The following ERO1B variants were observed in gnomAD, a reference collection of about 807,000 sequenced individuals.
ERO1B encodes endoplasmic reticulum oxidoreductase 1 beta, also known as ERO1-like protein beta.
Under a neutral mutation model 75.3 loss-of-function variants are expected in ERO1B, and 49 were observed. The observed-to-expected ratio is 0.65, with a 90% CI of 0.52 to 0.83. The LOEUF (loss-of-function observed/expected upper bound fraction) is 0.83, where lower values mean the gene tolerates loss of function less well. ERO1B is among the 40% of genes least tolerant of loss of function. The pLI, the probability that ERO1B is intolerant of heterozygous loss-of-function variation, is 0.00. For synonymous variants in ERO1B, 191 were observed against 192.9 expected (o/e 0.99, Z 0.08); for missense variants, 512 against 560.1 (o/e 0.91, Z 0.87).
chr1:236,249,770 A>T, intron 5 of ERO1B, 115 bp downstream of exon 5: 1 of 708,866 alleles, frequency 1.4e-6, no homozygotes, highest in Non-Finnish European at 2.2e-6. Flanking sequence ...TCTTCCTTTT[A>T]AAAATATATT....
chr1:236,226,285 T>C lies in ERO1B; in HGVS notation c.1036A>G (p.Ile346Val), dbSNP rs1213391960. 6.2e-7 allele frequency: 1 copy of C among 1,613,722 alleles called. No homozygotes were observed. The highest frequency in any genetic ancestry group is 1.7e-5 in the Admixed American group (1 of 59,922). ...DADTKTLLLN[I>V]FQDTKSFPMH... ...AATTCTTACTTTGTATCTTGAAAGATATTCAGTAGAAGAGTTTTTGTGTCA... is the reference window on the plus strand; with the variant it reads ...AATTCTTACTTTGTATCTTGAAAGACATTCAGTAGAAGAGTTTTTGTGTCA... Residue 346 changes from isoleucine (I) to valine (V), a missense_variant, in exon 12 of 16, where the codon ATC becomes GTC. By Grantham distance (29) the Ile-to-Val change is conservative (BLOSUM62 3). Coordinates refer to ENST00000354619, the MANE Select transcript of ERO1B (RefSeq NM_019891.4).
In ERO1B at chr1:236,253,407, TTTTA is replaced by T. The variant is rs1428669428; in HGVS notation, c.306+11_306+14del. 1.9e-6 allele frequency: 3 copies of T among 1,544,154 alleles called. No homozygotes were observed. Among genetic ancestry groups the T allele is most frequent in the East Asian group, 2.2e-5 (1 of 44,526 alleles). ...AGAGAAAATTGGCTTTGCCCTGTTA[TTTTA>T]TTTATTATACCTCTGGACAGGGCTC... On this transcript the variant is annotated intron_variant, in intron 3 of 15. Transcript: ENST00000354619.
chr1:236,252,072 A>G lies in ERO1B; in HGVS notation c.326T>C (p.Ile109Thr), dbSNP rs1207240315. ...TACCTTATTAGAATGCCCAGCTTTT[A>G]TTCCAACCGGAATTTTACTCTTAAA... ...PCPESKIPVG[I>T]KAGHSNKYLK... Residue 109 changes from isoleucine (I) to threonine (T), a missense_variant, in exon 4 of 16, where the codon ATA becomes ACA. Physicochemically the swap from Ile to Thr is moderately conservative, Grantham distance 89. Transcript: ENST00000354619. 1.2e-6 allele frequency: 2 copies of G among 1,602,732 alleles called. No individual in the cohort carries two copies. The highest frequency in any genetic ancestry group is 1.7e-6 in the Non-Finnish European group (2 of 1,172,358).
intron 2 of ERO1B, among the ~76,000 whole-genome samples, chr1:236,261,014 AAATC>A (rs66588282): frequency 0.25 from 37,613 of 151,960 alleles, 4,831 homozygotes; most frequent in East Asian, 0.38. Context: ...TGATGTACAT[AAATC>A]AATAAAAATA....
At chr1:236,222,473 A>C (rs1034946845) in intron 13 of ERO1B, among the ~76,000 whole-genome samples, 2 of 152,064 alleles carry the variant, frequency 1.3e-5, no homozygotes, top group African/African-American at 4.8e-5. Flanking sequence ...AACATGGTAC[A>C]TAAAATACTG....
intron 6 of ERO1B, among the ~76,000 whole-genome samples, chr1:236,239,010 TC>T (rs1436868423): frequency 6.6e-6 from 1 of 152,160 alleles, no homozygotes; most frequent in African/African-American, 2.4e-5. Flanking sequence ...GGACTCGAAC[TC>T]CTGAGCTCAA....
At chr1:236,272,215 C>T (rs776149999) in intron 1 of ERO1B, among the ~76,000 whole-genome samples, 1 of 152,068 alleles carries the variant, frequency 6.6e-6, no homozygotes, top group African/African-American at 2.4e-5. Flanking sequence ...CATCTATCTA[C>T]CCAAAGGAAA....
intron 4 of ERO1B, among the ~76,000 whole-genome samples, chr1:236,250,574 T>TAG: frequency 1.3e-4 from 1 of 7,616 alleles, no homozygotes; most frequent in Non-Finnish European, 2.2e-4. Context: ...AATTTGACCA[T>TAG]ATATATATAT....
At chr1:236,259,639 A>C (rs886855228) in intron 2 of ERO1B, among the ~76,000 whole-genome samples, 2 of 152,198 alleles carry the variant, frequency 1.3e-5, no homozygotes, top group Non-Finnish European at 2.9e-5. Context: ...AAAAGAGATA[A>C]AGAAGGTCAT....
At chr1:236,254,623 T>C (rs937182803) in intron 2 of ERO1B, among the ~76,000 whole-genome samples, 1 of 152,228 alleles carries the variant, frequency 6.6e-6, no homozygotes, top group South Asian at 2.1e-4. Flanking sequence ...ATTTTTTTTT[T>C]ATTTTTTGAG....
In ERO1B at chr1:236,244,904, T is replaced by C. The variant is rs188428992; in HGVS notation, c.432-1409A>G. On this transcript the variant is annotated intron_variant, in intron 5 of 15. Transcript: ENST00000354619. ...AACTCAGCACTTCCTTTCAAGATAGTGTCCCAAGGTTAAAGTAGTAGTCTT... is the reference window on the plus strand; with the variant it reads ...AACTCAGCACTTCCTTTCAAGATAGCGTCCCAAGGTTAAAGTAGTAGTCTT... 2.9e-3 allele frequency among the ~76,000 whole-genome samples: 437 copies of C among 152,268 alleles called. 1 individual carries two copies. Among genetic ancestry groups the C allele is most frequent in the Non-Finnish European group, 4.2e-3 (289 of 68,024 alleles).
chr1:236,246,856 A>G (rs1160763198), intron 5 of ERO1B, among the ~76,000 whole-genome samples: 1 of 152,206 alleles, frequency 6.6e-6, no homozygotes, highest in African/African-American at 2.4e-5. Flanking sequence ...AGAATTTTCT[A>G]TTCCACCATA....
At chr1:236,220,028 T>C (rs1815193) in intron 15 of ERO1B, 1 of 33,970 alleles carries the variant, frequency 2.9e-5, no homozygotes, top group Non-Finnish European at 5.4e-5. Flanking sequence ...TCATCTCTTT[T>C]AAAAAAAAAA....
At chr1:236,237,903 G>A (rs1229283327) in intron 6 of ERO1B, among the ~76,000 whole-genome samples, 1 of 152,002 alleles carries the variant, frequency 6.6e-6, no homozygotes, top group East Asian at 1.9e-4. Context: ...TGCAGTGTGA[G>A]ATCTCAACTC....
intron 10 of ERO1B, among the ~76,000 whole-genome samples, chr1:236,229,256 C>T (rs2102941976): frequency 6.6e-6 from 1 of 152,126 alleles, no homozygotes; most frequent in African/African-American, 2.4e-5. Flanking sequence ...GAAACCTCAT[C>T]TCTACTAAAA....
At chr1:236,229,922 T>C (rs1023372633) in intron 10 of ERO1B, among the ~76,000 whole-genome samples, 2 of 152,224 alleles carry the variant, frequency 1.3e-5, no homozygotes, top group African/African-American at 2.4e-5. Context: ...GCATACTCGT[T>C]ACTAGAGAAG....
chr1:236,256,585 T>C (rs1370872169), intron 2 of ERO1B, among the ~76,000 whole-genome samples: 1 of 152,226 alleles, frequency 6.6e-6, no homozygotes, highest in Non-Finnish European at 1.5e-5. Context: ...TGTGCCTTTC[T>C]CCTGGCATGC....
At chr1:236,281,241 G>C (rs1174136932) in intron 1 of ERO1B, among the ~76,000 whole-genome samples, 2 of 152,100 alleles carry the variant, frequency 1.3e-5, no homozygotes, top group African/African-American at 4.8e-5. Context: ...GCGGGGCCTC[G>C]GGGGTCTGCG....
intron 8 of ERO1B, 151 bp downstream of exon 8, chr1:236,235,638 C>T (rs1268614): frequency 0.25 from 163,284 of 647,794 alleles, 21,716 homozygotes; most frequent in East Asian, 0.35. Context: ...CTAGAGATCT[C>T]GAGACTCGAC....
Sources: gnomAD v4.1 joint callset for allele counts (sites outside exome capture counted in the v4.1 genomes callset) on GRCh38, gnomAD v4.1.1 for gene constraint, MANE v1.5 for transcripts, NCBI Gene and HGNC (gene_info 2026-07-23, HGNC 2026-07-21) for gene names.